Variants in IGF2BP3 observed in about 807,000 individuals in gnomAD.
IGF2BP3 encodes the protein insulin-like growth factor 2 mRNA-binding protein 3.
In IGF2BP3, 9 loss-of-function variants were observed where a neutral mutation model predicts 73.8. The observed-to-expected ratio is 0.12, with a 90% CI of 0.07 to 0.21. The LOEUF is 0.21. Among genes scored for constraint, IGF2BP3 ranks in the 10% least tolerant of loss-of-function variants. The pLI is 1.00. For missense variants in IGF2BP3, 542 were observed against 714.0 expected (o/e 0.76, Z 2.75); for synonymous variants, 258 against 256.7 (o/e 1.01, Z -0.05).
chr7:23,462,773 G>T (rs757697274), intron 2 of IGF2BP3, among the ~76,000 whole-genome samples: 12 of 152,260 alleles, frequency 7.9e-5, no homozygotes, highest in African/African-American at 1.2e-4. Context: ...CCCCTTCAGG[G>T]CAACAAAATT....
intron 3 of IGF2BP3, among the ~76,000 whole-genome samples, chr7:23,391,202 C>T (rs899115606): frequency 1.3e-5 from 2 of 150,858 alleles, no homozygotes; most frequent in Non-Finnish European, 2.9e-5. Context: ...TGGGTTCAAG[C>T]GATTCTTGTG....
chr7:23,316,631 C>T (rs141806822), intron 12 of IGF2BP3, among the ~76,000 whole-genome samples: 1,488 of 146,018 alleles, frequency 0.01, 29 homozygotes, highest in African/African-American at 0.036. Context: ...GCTGAGATCA[C>T]GCCACTGCAG....
intron 2 of IGF2BP3, among the ~76,000 whole-genome samples, chr7:23,439,439 G>C (rs1787879397): frequency 4.7e-5 from 7 of 150,426 alleles, no homozygotes. Flanking sequence ...GGCGCCTGTA[G>C]TCCCAGCTAC....
At chr7:23,432,865 CAAGCAATCCACTTGCCTCGGCCT>C (rs1351685414) in intron 2 of IGF2BP3, among the ~76,000 whole-genome samples, 6 of 152,150 alleles carry the variant, frequency 3.9e-5, no homozygotes, top group African/African-American at 1.4e-4. Flanking sequence ...GTCCTGGGCT[CAAGCAATCCACTTGCCTCGGCCT>C]ACCAAACTGC....
chr7:23,447,838 A>T (rs752077370), intron 2 of IGF2BP3, among the ~76,000 whole-genome samples: 12 of 152,102 alleles, frequency 7.9e-5, no homozygotes, highest in African/African-American at 1.2e-4. Context: ...AAAATTAGCC[A>T]GGCATGATGG....
chr7:23,357,889 T>G (rs1051360092), intron 5 of IGF2BP3, among the ~76,000 whole-genome samples: 1 of 137,930 alleles, frequency 7.3e-6, no homozygotes, highest in African/African-American at 3.0e-5. Flanking sequence ...CATAGAGCTT[T>G]AACTAACAGA....
intron 3 of IGF2BP3, among the ~76,000 whole-genome samples, chr7:23,397,042 C>T (rs1350998454): frequency 6.6e-6 from 1 of 152,288 alleles, no homozygotes; most frequent in Admixed American, 6.5e-5. Context: ...ACCCTGTCTT[C>T]CATTCGACTA....
chr7:23,470,036 G>T lies in IGF2BP3; in HGVS notation c.75C>A (p.Ala25=). 1 of 1,612,546 alleles carries T rather than the reference G, an allele frequency of 6.2e-7. No individual in the cohort carries two copies. The highest frequency in any genetic ancestry group is 8.5e-7 in the Non-Finnish European group (1 of 1,179,648). ...GGAAGGGTCCCGACACCGGGATCTT[G>T]GCGTCCTTGAAGATACTTTCTAGGT... ...PSDLESIFKD[A]KIPVSGPFLV... is the part of the protein sequence containing the mutation. Residue 25 remains alanine, a synonymous_variant, in exon 1 of 15, where the codon GCC becomes GCA. Transcript: ENST00000258729.
chr7:23,433,811 A>T lies in IGF2BP3; in HGVS notation c.237-14987T>A, dbSNP rs538963247. On this transcript the variant is annotated intron_variant, in intron 2 of 14. Transcript: ENST00000258729. The stretch of plus-strand genomic sequence containing the variant: ...AGTTTTAGGCCGGGCACAGTGGCTT[A>T]TGCCTATAAACCCAGCACTTTGGGA... Among the ~76,000 whole-genome samples the T allele has an allele frequency of 2.2e-3, 330 of 152,358 alleles. 1 individual carries two copies. Among genetic ancestry groups the T allele is most frequent in the African/African-American group, 7.6e-3 (316 of 41,592 alleles).
intron 2 of IGF2BP3, among the ~76,000 whole-genome samples, chr7:23,437,381 G>A (rs919670070): frequency 6.6e-6 from 1 of 152,044 alleles, no homozygotes; most frequent in African/African-American, 2.4e-5. Flanking sequence ...TACTTAGGGG[G>A]CTGAGGCAGG....
chr7:23,334,619 ATGTTCACAGGACATAAGCTGCTT>A (rs1784524932), intron 10 of IGF2BP3, among the ~76,000 whole-genome samples: 1 of 152,218 alleles, frequency 6.6e-6, no homozygotes, highest in South Asian at 2.1e-4. Context: ...GGACTGAAGG[ATGTTCACAGGACATAAGCTGCTT>A]CCCAATGGAT....
At chr7:23,360,877 T>C (rs1785207764) in intron 5 of IGF2BP3, among the ~76,000 whole-genome samples, 1 of 152,226 alleles carries the variant, frequency 6.6e-6, no homozygotes, top group South Asian at 2.1e-4. Flanking sequence ...CATGTTCATA[T>C]TCTGGGCAGA....
intron 2 of IGF2BP3, among the ~76,000 whole-genome samples, chr7:23,463,277 G>C (rs1454508882): frequency 6.6e-6 from 1 of 152,184 alleles, no homozygotes; most frequent in Admixed American, 6.5e-5. Flanking sequence ...CATGAAGGTA[G>C]TTTGACAGCT....
At chr7:23,352,110 T>C (rs1441695305) in intron 5 of IGF2BP3, among the ~76,000 whole-genome samples, 1 of 152,144 alleles carries the variant, frequency 6.6e-6, no homozygotes, top group Admixed American at 6.5e-5. Context: ...CAAGAGACTA[T>C]TCTGAGTATT....
intron 13 of IGF2BP3, among the ~76,000 whole-genome samples, chr7:23,313,169 G>C (rs1373973929): frequency 1.3e-5 from 2 of 152,188 alleles, no homozygotes; most frequent in Non-Finnish European, 2.9e-5. Flanking sequence ...TTAGAGACTA[G>C]AAACAGTTTG....
intron 3 of IGF2BP3, among the ~76,000 whole-genome samples, chr7:23,398,052 T>C (rs887044007): frequency 6.6e-6 from 1 of 150,840 alleles, no homozygotes; most frequent in African/African-American, 2.4e-5. Flanking sequence ...CTCCAAATGC[T>C]ATCCCTCCCC....
intron 2 of IGF2BP3, among the ~76,000 whole-genome samples, chr7:23,430,143 G>A (rs1341165556): frequency 6.6e-6 from 1 of 151,232 alleles, no homozygotes; most frequent in Admixed American, 6.6e-5. Flanking sequence ...GAGTGCAGTG[G>A]CACGATCTCG....
At chr7:23,372,777 G>A (rs1319621988) in intron 3 of IGF2BP3, among the ~76,000 whole-genome samples, 1 of 152,110 alleles carries the variant, frequency 6.6e-6, no homozygotes, top group Non-Finnish European at 1.5e-5. Context: ...ATGAATCAGG[G>A]CTGCTAACAT....
At chr7:23,457,369 G>A (rs897884226) in intron 2 of IGF2BP3, among the ~76,000 whole-genome samples, 12 of 151,986 alleles carry the variant, frequency 7.9e-5, no homozygotes, top group Admixed American at 2.6e-4. Flanking sequence ...GGAGGCTGAA[G>A]CATGAGAATC....
Sources: gnomAD v4.1 joint callset for allele counts (sites outside exome capture counted in the v4.1 genomes callset) on GRCh38, gnomAD v4.1.1 for gene constraint, MANE v1.5 for transcripts, NCBI Gene and HGNC (gene_info 2026-07-23, HGNC 2026-07-21) for gene names.